NSUN6: variants seen among roughly 807,000 people sequenced by gnomAD.
The protein encoded by NSUN6 is NOP2/Sun RNA methyltransferase 6.
A neutral mutation model predicts 58.0 loss-of-function variants in NSUN6; 64 were observed. The observed-to-expected ratio is 1.10, with a 90% CI of 0.90 to 1.36. NSUN6 has a LOEUF of 1.36. Among genes scored for constraint, NSUN6 ranks in the 40% most tolerant of loss-of-function variants. The pLI is 0.00. For synonymous variants in NSUN6, 231 were observed against 193.9 expected, an observed-to-expected ratio of 1.19 and a Z score of -1.59; for missense variants, 701 against 550.1, an observed-to-expected ratio of 1.27 and a Z score of -2.74.
chr10:18,557,446 GGAATGGA>G (rs2055119971), intron 8 of NSUN6, among the ~76,000 whole-genome samples: 1 of 151,022 alleles, frequency 6.6e-6, no homozygotes, highest in Non-Finnish European at 1.5e-5. Flanking sequence ...GGAATGAAAT[GGAATGGA>G]GAATGGAATG....
intron 6 of NSUN6, among the ~76,000 whole-genome samples, chr10:18,602,315 C>T (rs1029458035): frequency 2.6e-5 from 4 of 151,218 alleles, no homozygotes; most frequent in Non-Finnish European, 4.4e-5. Flanking sequence ...GCAATCTCGG[C>T]TCACTGCAAG....
chr10:18,614,120 G>A (rs2058329977), intron 5 of NSUN6, among the ~76,000 whole-genome samples: 1 of 151,668 alleles, frequency 6.6e-6, no homozygotes, highest in Non-Finnish European at 1.5e-5. Context: ...AAATAAGAAC[G>A]TTAAAAATGA....
At chr10:18,573,437 A>T (rs1202390965) in intron 8 of NSUN6, among the ~76,000 whole-genome samples, 1 of 144,808 alleles carries the variant, frequency 6.9e-6, no homozygotes, top group Admixed American at 6.9e-5. Context: ...TTTCCATTCC[A>T]TTCTCCATTC....
chr10:18,596,284 G>A lies in NSUN6; in HGVS notation c.701C>T (p.Pro234Leu), dbSNP rs1327564069. 3.7e-6 allele frequency: 6 copies of A among 1,600,784 alleles called. No individual in the cohort carries two copies. Among genetic ancestry groups the A allele is most frequent in the East Asian group, 2.2e-5 (1 of 44,820 alleles). ...ACACAAGTCTAGAATCTTCTCTCCA[G>A]GTTGAGGATTTAGTACATGACTTAC... ...ALVSHVLNPQ[P>L]GEKILDLCAA... Residue 234 changes from proline to leucine, a missense_variant, in exon 7 of 11, where the codon CCT (proline) becomes CTT (leucine). Transcript: ENST00000377304.
upstream of NSUN6, chr10:18,658,805 C>T (rs1488053339): frequency 2.3e-5 from 4 of 177,158 alleles, no homozygotes; most frequent in Non-Finnish European, 4.4e-5. Flanking sequence ...GAAATTGAGT[C>T]CCCCTGGGCA....
intron 3 of NSUN6, among the ~76,000 whole-genome samples, chr10:18,637,382 T>G (rs1204320117): frequency 3.9e-5 from 6 of 152,242 alleles, no homozygotes; most frequent in Non-Finnish European, 1.5e-5. Context: ...ATGAGTAGCC[T>G]AGATCACTAC....
chr10:18,633,321 A>T (rs2059103685), intron 3 of NSUN6, among the ~76,000 whole-genome samples: 1 of 150,996 alleles, frequency 6.6e-6, no homozygotes, highest in South Asian at 2.1e-4. Context: ...CTAGATGATG[A>T]GTTGGTGGGT....
chr10:18,650,781 C>A (rs2059680901), intron 1 of NSUN6, among the ~76,000 whole-genome samples: 2 of 152,240 alleles, frequency 1.3e-5, no homozygotes, highest in South Asian at 4.1e-4. Context: ...TTACAGAAAC[C>A]TTTTCACCTG....
At chr10:18,596,762 A>C (rs2057603449) in intron 6 of NSUN6, among the ~76,000 whole-genome samples, 1 of 152,116 alleles carries the variant, frequency 6.6e-6, no homozygotes, top group African/African-American at 2.4e-5. Context: ...AGCGGTCATT[A>C]CTCAGCATTT....
At chr10:18,565,580 A>C (rs2055865869) in intron 8 of NSUN6, among the ~76,000 whole-genome samples, 2 of 148,282 alleles carry the variant, frequency 1.3e-5, no homozygotes, top group African/African-American at 5.0e-5. Flanking sequence ...TCTCCATTCC[A>C]TTCAGCACTC....
Position 18,625,455 on chromosome 10 carries a change from G to C in NSUN6, c.312-9162C>G, listed in dbSNP as rs567031184. Among the ~76,000 whole-genome samples, 34 of 152,100 alleles carry C rather than the reference G, an allele frequency of 2.2e-4. 1 individual carries two copies. The highest frequency in any genetic ancestry group is 6.5e-5 in the Admixed American group (1 of 15,274). ...AGGCTGAGTGTGGTGGCTCACACCT[G>C]AAATCCCAGCACTTTGGAAGGCCGA... On this transcript the variant is annotated intron_variant, in intron 3 of 10. Coordinates refer to ENST00000377304, the MANE Select transcript of NSUN6 (RefSeq NM_182543.5).
At chr10:18,634,987 A>T (rs887730834) in intron 3 of NSUN6, among the ~76,000 whole-genome samples, 1 of 152,186 alleles carries the variant, frequency 6.6e-6, no homozygotes, top group Non-Finnish European at 1.5e-5. Context: ...CCCTAATGAT[A>T]AATAAGAGTG....
intron 8 of NSUN6, among the ~76,000 whole-genome samples, chr10:18,558,242 A>G (rs2055195988): frequency 6.7e-6 from 1 of 150,208 alleles, no homozygotes. Context: ...GGGGAGTAGT[A>G]TGGAGTGCAA....
intron 9 of NSUN6, among the ~76,000 whole-genome samples, chr10:18,549,014 G>A (rs1484568547): frequency 3.9e-5 from 6 of 151,990 alleles, no homozygotes; most frequent in Non-Finnish European, 8.8e-5. Flanking sequence ...TATTCCAACC[G>A]CCTCCTACTT....
chr10:18,636,434 G>C (rs182208813), intron 3 of NSUN6, among the ~76,000 whole-genome samples: 46 of 151,310 alleles, frequency 3.0e-4, no homozygotes, highest in African/African-American at 1.1e-3. Context: ...GCCAAGGAGG[G>C]TGGATCACTT....
chr10:18,657,231 T>C (rs1331214557), upstream of NSUN6, among the ~76,000 whole-genome samples: 1 of 152,216 alleles, frequency 6.6e-6, no homozygotes, highest in African/African-American at 2.4e-5. Context: ...CATATTACTT[T>C]TGATAATTGT....
chr10:18,600,959 T>TATATATATATATATATATATATACAC lies in NSUN6; in HGVS notation c.658-4633_658-4632insGTGTATATATATATATATATATATAT. On this transcript the variant is annotated intron_variant, in intron 6 of 10. Transcript: ENST00000377304. ...AAAAAAAAATATATATATATATATA[T>TATATATATATATATATATATATACAC]ACATATATATATATATATGTATATA... is the stretch of plus-strand genomic sequence containing the variant. Among the ~76,000 whole-genome samples, 210 of 64,854 alleles carry TATATATATATATATATATATATACAC rather than the reference T, an allele frequency of 3.2e-3. 3 individuals are homozygous for TATATATATATATATATATATATACAC. The highest frequency in any genetic ancestry group is 4.5e-3 in the Admixed American group (24 of 5,350). The allele number at this position is 64,854 out of a possible 152,430, so 42.5% of individuals were successfully genotyped here.
chr10:18,557,838 T>C (rs2055160913), intron 8 of NSUN6, among the ~76,000 whole-genome samples: 1 of 146,148 alleles, frequency 6.8e-6, no homozygotes, highest in African/African-American at 2.5e-5. Flanking sequence ...GAGGATTAAA[T>C]AGAATGGAAA....
At chr10:18,622,055 C>G (rs553235862) in intron 3 of NSUN6, among the ~76,000 whole-genome samples, 1 of 152,098 alleles carries the variant, frequency 6.6e-6, no homozygotes, top group East Asian at 1.9e-4. Context: ...CACACACACA[C>G]ACACAGACAC....
Sources: allele counts gnomAD v4.1 joint callset (sites outside exome capture counted in the v4.1 genomes callset), GRCh38; gene constraint gnomAD v4.1.1; transcripts MANE v1.5; gene names NCBI Gene and HGNC (gene_info 2026-07-23, HGNC 2026-07-21).